ESCO2: variants seen among roughly 807,000 people sequenced by gnomAD.
The protein encoded by ESCO2 is establishment of sister chromatid cohesion N-acetyltransferase 2, also known as N-acetyltransferase ESCO2.
A neutral mutation model predicts 61.7 loss-of-function variants in ESCO2; 51 were observed. That is an observed-to-expected ratio of 0.83 (90% CI 0.66 to 1.04). ESCO2 has a LOEUF of 1.04. Among genes scored for constraint, ESCO2 ranks in the 50% least tolerant of loss-of-function variants. ESCO2 has a pLI of 0.00. For missense variants in ESCO2, 692 were observed against 686.2 expected, an observed-to-expected ratio of 1.01 and a Z score of -0.09; for synonymous variants, 230 against 238.2, an observed-to-expected ratio of 0.97 and a Z score of 0.32.
chr8:27,815,237 A>G (rs1013572956), downstream of ESCO2, among the ~76,000 whole-genome samples: 2 of 152,220 alleles, frequency 1.3e-5, no homozygotes, highest in African/African-American at 4.8e-5. Context: ...AAGCCAGGAA[A>G]TTGAAGATTC....
chr8:27,777,850 C>T (rs537538680), intron 3 of ESCO2: 1 of 152,262 alleles, frequency 6.6e-6, no homozygotes, highest in South Asian at 2.1e-4. Flanking sequence ...AAATGATAGG[C>T]TTATATGATA....
chr8:27,786,546 A>C (rs1805045729), intron 5 of ESCO2, among the ~76,000 whole-genome samples: 1 of 152,224 alleles, frequency 6.6e-6, no homozygotes, highest in South Asian at 2.1e-4. Flanking sequence ...CCAGTGGTAT[A>C]CTGAGTTAGT....
chr8:27,805,648 C>T (rs887883569), downstream of ESCO2, among the ~76,000 whole-genome samples: 6 of 152,140 alleles, frequency 3.9e-5, no homozygotes, highest in Non-Finnish European at 7.4e-5. Flanking sequence ...TTTTTTCCCC[C>T]GCCCTGGGCT....
At chr8:27,793,388 A>C (rs753008515) in intron 9 of ESCO2, among the ~76,000 whole-genome samples, 2 of 152,162 alleles carry the variant, frequency 1.3e-5, no homozygotes, top group Non-Finnish European at 2.9e-5. Flanking sequence ...AAAATGACTA[A>C]ATCAAGCTAA....
downstream of ESCO2, among the ~76,000 whole-genome samples, chr8:27,815,724 C>G (rs1805797938): frequency 6.6e-6 from 1 of 152,168 alleles, no homozygotes; most frequent in Admixed American, 6.5e-5. Flanking sequence ...CAATTTGAGA[C>G]TCGAACCACA....
chr8:27,773,434 A>G (rs1804700669), upstream of ESCO2, among the ~76,000 whole-genome samples: 1 of 149,396 alleles, frequency 6.7e-6, no homozygotes, highest in Non-Finnish European at 1.5e-5. Context: ...AGCAAAGGCC[A>G]GACAGAGCTC....
chr8:27,789,048 C>T (rs1182973295), intron 7 of ESCO2, 70 bp downstream of exon 7: 1 of 1,587,900 alleles, frequency 6.3e-7, no homozygotes, highest in Non-Finnish European at 8.6e-7. Flanking sequence ...TTTCCACCAC[C>T]TCTACCACCC....
chr8:27,785,149 A>G (rs988974423), intron 5 of ESCO2, among the ~76,000 whole-genome samples: 1 of 152,238 alleles, frequency 6.6e-6, no homozygotes, highest in African/African-American at 2.4e-5. Context: ...GCATGATCCC[A>G]TGGCGGAAGG....
downstream of ESCO2, chr8:27,810,106 C>T: frequency 1.9e-6 from 1 of 526,216 alleles, no homozygotes; most frequent in East Asian, 3.3e-5. Flanking sequence ...TAAAACTTTA[C>T]AGAAAACCCA....
intron 10 of ESCO2, 44 bp from the exon 11 acceptor site, chr8:27,803,262 G>A (rs757102056): frequency 5.5e-5 from 85 of 1,552,936 alleles, no homozygotes; most frequent in Non-Finnish European, 4.5e-5. Flanking sequence ...TAATTAGAAT[G>A]TTAAGTTGCT....
chr8:27,772,530 T>G (rs1289034493), upstream of ESCO2: 7 of 1,549,728 alleles, frequency 4.5e-6, no homozygotes, highest in South Asian at 1.2e-5. Context: ...GCTGGTGAAG[T>G]AGAACACCAT....
chr8:27,806,493 A>G (rs1219001730), downstream of ESCO2, among the ~76,000 whole-genome samples: 1 of 152,162 alleles, frequency 6.6e-6, no homozygotes, highest in Non-Finnish European at 1.5e-5. Flanking sequence ...ACATTTTAGA[A>G]TCAATTTATT....
intron 3 of ESCO2, 35 bp from the exon 4 acceptor site, chr8:27,780,139 C>T: frequency 1.5e-6 from 2 of 1,290,460 alleles, no homozygotes; most frequent in Non-Finnish European, 2.2e-6. Context: ...TTAAAAATTA[C>T]AGATGTTTGG....
chr8:27,797,984 C>T (rs1407961725), intron 9 of ESCO2, among the ~76,000 whole-genome samples: 1 of 152,110 alleles, frequency 6.6e-6, no homozygotes, highest in African/African-American at 2.4e-5. Flanking sequence ...AGGTCAGAAA[C>T]AATGTTGTGT....
At chr8:27,799,303 T>G (rs1028981287) in intron 9 of ESCO2, among the ~76,000 whole-genome samples, 2 of 152,130 alleles carry the variant, frequency 1.3e-5, no homozygotes, top group African/African-American at 4.8e-5. Flanking sequence ...TACAATTGTT[T>G]AAGAGGAAAG....
Position 27,776,800 on chromosome 8 carries a change from T to A in ESCO2, c.492T>A (p.Asn164Lys). ...AGCCTGTATCAAGGAATTCTAGAAA[T>A]TCCAAGCAAAATCGAGTGATCTATA... ...HIKPVSRNSR[N>K]SKQNRVIYKP... The change falls in exon 3 of 11, where the codon AAT becomes AAA. Residue 164 changes from asparagine (N) to lysine (K), a missense_variant. By Grantham distance (94) the Asn-to-Lys change is moderately conservative. Coordinates refer to ENST00000305188, the MANE Select transcript of ESCO2 (RefSeq NM_001017420.3). 1 of 1,614,054 alleles carries A rather than the reference T, an allele frequency of 6.2e-7. No individual in the cohort carries two copies.
In ESCO2 at chr8:27,788,834, C is replaced by T; in HGVS notation, c.1132-13C>T. ...TATTTAAATGGGTTTCTTTTTTTACCCCCCAATTATAGGACGCTGGTCAGA... is the reference window on the plus strand; with the variant it reads ...TATTTAAATGGGTTTCTTTTTTTACTCCCCAATTATAGGACGCTGGTCAGA... On this transcript the variant is annotated splice_polypyrimidine_tract_variant and intron_variant, in intron 6 of 10. Transcript: ENST00000305188. 6.2e-7 allele frequency: 1 copy of T among 1,613,290 alleles called. No homozygotes were observed. The highest frequency in any genetic ancestry group is 8.5e-7 in the Non-Finnish European group (1 of 1,179,786).
chr8:27,808,268 T>C (rs1303627333), downstream of ESCO2: 2 of 1,174,008 alleles, frequency 1.7e-6, no homozygotes, highest in East Asian at 6.1e-5. Context: ...CTGCTGATTA[T>C]CTCCTTTTAT....
At chr8:27,795,188 ATCT>A (rs1357749439) in intron 9 of ESCO2, among the ~76,000 whole-genome samples, 2 of 152,146 alleles carry the variant, frequency 1.3e-5, no homozygotes, top group African/African-American at 4.8e-5. Context: ...GATATTCTTC[ATCT>A]TCTTTCATCA....
Sources: allele counts gnomAD v4.1 joint callset (sites outside exome capture counted in the v4.1 genomes callset), GRCh38; gene constraint gnomAD v4.1.1; transcripts MANE v1.5; gene names NCBI Gene and HGNC (gene_info 2026-07-23, HGNC 2026-07-21).